Variants in CCSER1 observed in about 807,000 individuals in gnomAD.
The protein encoded by CCSER1 is serine-rich coiled-coil domain-containing protein 1.
A neutral mutation model predicts 82.0 loss-of-function variants in CCSER1; 41 were observed. That is an observed-to-expected ratio of 0.50 (90% CI 0.39 to 0.65). CCSER1 has a LOEUF of 0.65. Ranked by LOEUF, CCSER1 falls within the 30% of genes least tolerant of loss-of-function variation. The pLI is 0.00. For missense variants in CCSER1, 1,119 were observed against 1,064.2 expected (o/e 1.05, Z -0.72); for synonymous variants, 414 against 383.9 (o/e 1.08, Z -0.92).
intron 10 of CCSER1, among the ~76,000 whole-genome samples, chr4:91,400,469 C>T (rs1483625089): frequency 6.7e-6 from 1 of 150,168 alleles, no homozygotes; most frequent in Non-Finnish European, 1.5e-5. Context: ...CATATCCCTT[C>T]TTCTTTGCTA....
intron 10 of CCSER1, among the ~76,000 whole-genome samples, chr4:91,405,336 G>A (rs1375077973): frequency 6.6e-6 from 1 of 151,816 alleles, no homozygotes; most frequent in East Asian, 1.9e-4. Flanking sequence ...TTAAATGTTA[G>A]ACCTAAAACC....
At position 91,165,060 on chromosome 4, in the gene CCSER1, T is replaced by G. The variant is rs1029684908; in HGVS notation, c.2217+79066T>G. On this transcript the variant is annotated intron_variant, in intron 10 of 10. Coordinates refer to ENST00000509176, the MANE Select transcript of CCSER1 (RefSeq NM_001145065.2). ...TTTTCTGCTCTGGTTTCTCCCCATC[T>G]TTGTGGTTTTATCTACCTTTGGTCT... Among the ~76,000 whole-genome samples the G allele has an allele frequency of 9.2e-5, 14 of 152,334 alleles. No homozygotes were observed. In the East Asian group the frequency reaches 2.7e-3, roughly 29 times the overall value.
At position 91,466,895 on chromosome 4, in the gene CCSER1, G is replaced by A. The variant is rs539450356; in HGVS notation, c.2218-131677G>A. On this transcript the variant is annotated intron_variant, in intron 10 of 10. Coordinates refer to ENST00000509176, the MANE Select transcript of CCSER1 (RefSeq NM_001145065.2). ...GAAGAACATTCCATGCTCATGGAGA[G>A]GAGGAATCAATATCATGAAAATGGC... Among the ~76,000 whole-genome samples the A allele has an allele frequency of 4.6e-5, 7 of 152,330 alleles. No individual in the cohort carries two copies. In the South Asian group the frequency reaches 1.5e-3, roughly 32 times the overall value.
chr4:90,496,698 G>A (rs142084964), intron 5 of CCSER1, among the ~76,000 whole-genome samples: 1 of 152,176 alleles, frequency 6.6e-6, no homozygotes, highest in East Asian at 1.9e-4. Context: ...AAAGTCATCG[G>A]CCAGGCACAG....
chr4:91,056,733 G>A (rs1231005110), intron 9 of CCSER1, among the ~76,000 whole-genome samples: 1 of 152,020 alleles, frequency 6.6e-6, no homozygotes, highest in Non-Finnish European at 1.5e-5. Flanking sequence ...CCTTCCCTGG[G>A]GTTTGATATT....
intron 10 of CCSER1, among the ~76,000 whole-genome samples, chr4:91,279,061 T>TA (rs1380129951): frequency 2.0e-5 from 3 of 151,992 alleles, no homozygotes; most frequent in Non-Finnish European, 4.4e-5. Context: ...CAGGTTTATT[T>TA]TTTTTTTTTT....
At chr4:90,772,085 A>G (rs1321618676) in intron 7 of CCSER1, among the ~76,000 whole-genome samples, 2 of 152,192 alleles carry the variant, frequency 1.3e-5, no homozygotes, top group Non-Finnish European at 2.9e-5. Flanking sequence ...CAAGAAAGCC[A>G]CTAACATTTG....
chr4:91,210,925 C>T (rs546553031), intron 10 of CCSER1, among the ~76,000 whole-genome samples: 32 of 151,916 alleles, frequency 2.1e-4, no homozygotes, highest in South Asian at 1.5e-3. Context: ...ACTAAGTATT[C>T]GGGTGTGATC....
chr4:90,641,683 A>G (rs2148987582), intron 6 of CCSER1, among the ~76,000 whole-genome samples: 1 of 152,272 alleles, frequency 6.6e-6, no homozygotes. Flanking sequence ...TCAAAATGCA[A>G]GTGGAGCAGG....
intron 3 of CCSER1, among the ~76,000 whole-genome samples, chr4:90,337,741 GA>G (rs1178789928): frequency 4.6e-5 from 7 of 151,184 alleles, no homozygotes; most frequent in East Asian, 1.9e-4. Context: ...ACAGACATCT[GA>G]AAAAAAGTAA....
intron 7 of CCSER1, among the ~76,000 whole-genome samples, chr4:90,811,979 T>TATATAAACACACACACACACAC (rs1454529529): frequency 9.2e-6 from 1 of 108,596 alleles, no homozygotes; most frequent in African/African-American, 3.6e-5. Context: ...CATATATATA[T>TATATAAACACACACACACACAC]ATATATATAT....
intron 1 of CCSER1, among the ~76,000 whole-genome samples, chr4:90,208,769 C>T (rs1013875606): frequency 6.6e-6 from 1 of 152,128 alleles, no homozygotes; most frequent in African/African-American, 2.4e-5. Flanking sequence ...AGTTCCCCAA[C>T]CCCTTTTGCT....
At chr4:90,812,267 T>G (rs1758452371) in intron 7 of CCSER1, among the ~76,000 whole-genome samples, 1 of 152,148 alleles carries the variant, frequency 6.6e-6, no homozygotes, top group African/African-American at 2.4e-5. Context: ...AGGGTGAGTC[T>G]GCCTTTCCCA....
intron 4 of CCSER1, among the ~76,000 whole-genome samples, chr4:90,449,681 G>C (rs558413912): frequency 6.6e-6 from 1 of 152,336 alleles, no homozygotes; most frequent in Admixed American, 6.5e-5. Context: ...ACACCTGGCT[G>C]GGTCATAACA....
At chr4:91,144,116 T>C (rs966288086) in intron 10 of CCSER1, among the ~76,000 whole-genome samples, 1 of 152,094 alleles carries the variant, frequency 6.6e-6, no homozygotes, top group Admixed American at 6.6e-5. Context: ...GTAGGTATTT[T>C]AAATCACTGA....
intron 5 of CCSER1, among the ~76,000 whole-genome samples, chr4:90,488,067 T>C (rs2153602568): frequency 6.6e-6 from 1 of 152,334 alleles, no homozygotes; most frequent in Non-Finnish European, 1.5e-5. Context: ...ATGGGGAAAA[T>C]TAGACCTTCA....
chr4:90,317,966 G>A (rs761120188), intron 3 of CCSER1, among the ~76,000 whole-genome samples: 19 of 152,188 alleles, frequency 1.2e-4, no homozygotes, highest in Non-Finnish European at 2.2e-4. Context: ...CCTGTATCTA[G>A]AGGCGGAGAC....
chr4:90,935,968 T>G (rs530793081), intron 9 of CCSER1, among the ~76,000 whole-genome samples: 2 of 152,224 alleles, frequency 1.3e-5, no homozygotes, highest in East Asian at 3.9e-4. Context: ...TATCTCTTTT[T>G]GTCACTTTTT....
chr4:91,382,032 G>T (rs945337474), intron 10 of CCSER1, among the ~76,000 whole-genome samples: 2 of 152,156 alleles, frequency 1.3e-5, no homozygotes, highest in African/African-American at 2.4e-5. Flanking sequence ...TCCAGATCCT[G>T]TTTGCCTGGG....
Sources: allele counts gnomAD v4.1 joint callset (sites outside exome capture counted in the v4.1 genomes callset), GRCh38; gene constraint gnomAD v4.1.1; transcripts MANE v1.5; gene names NCBI Gene and HGNC (gene_info 2026-07-23, HGNC 2026-07-21).